The following CUL5 variants were observed in gnomAD, a reference collection of about 807,000 sequenced individuals.
CUL5 encodes the protein cullin 5, also known as cullin-5.
A neutral mutation model predicts 108.8 loss-of-function variants in CUL5; 26 were observed. The observed-to-expected ratio is 0.24, with a 90% CI of 0.18 to 0.33. CUL5 has a LOEUF of 0.33. Ranked by LOEUF, CUL5 falls within the 10% of genes least tolerant of loss-of-function variation. The pLI, the probability that CUL5 is intolerant of heterozygous loss-of-function variation, is 1.00. For missense variants in CUL5, 524 were observed against 909.2 expected, an observed-to-expected ratio of 0.58 and a Z score of 5.45; for synonymous variants, 334 against 298.0, an observed-to-expected ratio of 1.12 and a Z score of -1.25.
In CUL5 at chr11:108,089,596, T is replaced by A. The variant is rs1864301379; in HGVS notation, c.1416T>A (p.Ile472=). Residue 472 remains isoleucine (I), a synonymous_variant, in exon 13 of 19, where the codon ATT becomes ATA. Transcript: ENST00000393094. The part of the protein sequence containing the change: ...LILDISADSE[I]EENMVEWLRE... ...TAGACATCTCTGCCGATAGTGAAATTGAAGAAAACATGGTAGAGTGGCTAA... is the reference window on the plus strand; with the variant it reads ...TAGACATCTCTGCCGATAGTGAAATAGAAGAAAACATGGTAGAGTGGCTAA... 2 of 1,546,480 alleles carry A rather than the reference T, an allele frequency of 1.3e-6. No individual in the cohort carries two copies. The highest frequency in any genetic ancestry group is 1.7e-6 in the Non-Finnish European group (2 of 1,156,342).
At chr11:108,089,691 T>C in intron 13 of CUL5, 68 bp downstream of exon 13, 2 of 860,016 alleles carry the variant, frequency 2.3e-6, no homozygotes, top group Non-Finnish European at 3.3e-6. Flanking sequence ...GCTTAAGTAA[T>C]ACATTTTGGA....
chr11:108,058,279 T>G (rs1863448111), intron 7 of CUL5, among the ~76,000 whole-genome samples: 1 of 105,568 alleles, frequency 9.5e-6, no homozygotes, highest in African/African-American at 3.8e-5. Context: ...AACATAGCCC[T>G]GATGTGTCAC....
At chr11:108,085,581 T>A (rs11212508) in intron 11 of CUL5, among the ~76,000 whole-genome samples, 28,534 of 152,146 alleles carry the variant, frequency 0.19, 3,291 homozygotes, top group East Asian at 0.48. Context: ...ATGATAAATC[T>A]TTTTTACTCT....
intron 11 of CUL5, among the ~76,000 whole-genome samples, chr11:108,084,383 T>TA (rs924260164): frequency 2.0e-5 from 3 of 152,200 alleles, no homozygotes; most frequent in African/African-American, 4.8e-5. Flanking sequence ...AGTTTTGGCC[T>TA]AGGCTAAGCA....
chr11:108,076,279 C>G (rs974622131), intron 10 of CUL5, among the ~76,000 whole-genome samples: 2 of 152,166 alleles, frequency 1.3e-5, no homozygotes, highest in Admixed American at 1.3e-4. Flanking sequence ...AGCGATCCAT[C>G]CACCACAGCC....
In CUL5 at chr11:108,081,412, A is replaced by G. The variant is rs1864079336; in HGVS notation, c.1178+3172A>G. Among the ~76,000 whole-genome samples the G allele has an allele frequency of 2.0e-5, 3 of 152,036 alleles. No individual in the cohort carries two copies. The East Asian group carries it at 5.9e-4, about 30-fold the overall frequency. The stretch of plus-strand genomic sequence containing the variant: ...TAACTTCATATTTTTGCATGTGGAT[A>G]CCCAATTGTTCCAGCATTCATTGAA... On this transcript the variant is annotated intron_variant, in intron 11 of 18. Coordinates refer to ENST00000393094, the MANE Select transcript of CUL5 (RefSeq NM_003478.6).
chr11:108,096,328 T>TAAAAAA (rs71047670), intron 16 of CUL5, among the ~76,000 whole-genome samples: 1 of 120,012 alleles, frequency 8.3e-6, no homozygotes, highest in Non-Finnish European at 1.7e-5. Context: ...ATCCCATCTC[T>TAAAAAA]AAAAAAAAAA....
chr11:108,101,014 C>A lies in CUL5; in HGVS notation c.2148+2485C>A, dbSNP rs1864649776. Among the ~76,000 whole-genome samples the A allele has an allele frequency of 1.3e-5, 2 of 152,038 alleles. 1 individual carries two copies. The highest frequency in any genetic ancestry group is 4.8e-5 in the African/African-American group (2 of 41,390). Reference sequence around the variant, plus strand: ...ACTGCACTCCAGCCTGGCAACAGAGCAAGACTCCATCTAAAAAAAAAGAGT... The same window carrying A: ...ACTGCACTCCAGCCTGGCAACAGAGAAAGACTCCATCTAAAAAAAAAGAGT... On this transcript the variant is annotated intron_variant, in intron 18 of 18. Transcript: ENST00000393094.
intron 1 of CUL5, among the ~76,000 whole-genome samples, chr11:108,016,880 T>A (rs1318292976): frequency 2.6e-5 from 4 of 152,072 alleles, no homozygotes; most frequent in African/African-American, 9.7e-5. Flanking sequence ...TGCCCAACAC[T>A]TTGGAAAGCA....
rs539467819 is a variant in CUL5 at position 108,071,848 on chromosome 11, C to T, written c.875-484C>T. Among the ~76,000 whole-genome samples the T allele has an allele frequency of 2.2e-3, 341 of 152,218 alleles. 1 individual carries two copies. The highest frequency in any genetic ancestry group is 7.6e-3 in the African/African-American group (315 of 41,540). On this transcript the variant is annotated intron_variant, in intron 8 of 18. Transcript: ENST00000393094. Reference sequence around the variant, plus strand: ...GAGTTACAAGCGTGAACCACCACACCCAGCCTGATCACTTTTAATTCGATT... The same window carrying T: ...GAGTTACAAGCGTGAACCACCACACTCAGCCTGATCACTTTTAATTCGATT...
chr11:108,057,018 G>A (rs1426653379), intron 7 of CUL5, among the ~76,000 whole-genome samples: 1 of 152,174 alleles, frequency 6.6e-6, no homozygotes, highest in African/African-American at 2.4e-5. Flanking sequence ...CGTACATTTA[G>A]CACCTGGATG....
chr11:108,067,928 T>C (rs1863726999), intron 7 of CUL5, among the ~76,000 whole-genome samples: 1 of 144,542 alleles, frequency 6.9e-6, no homozygotes, highest in African/African-American at 2.8e-5. Context: ...TTTATTTTTC[T>C]TTTTTTTTTC....
In CUL5 at chr11:108,098,295, A is replaced by G. The variant is rs1591336113; in HGVS notation, c.2025-111A>G. ...GTTATTTGTCATTTAACCTTTAAAC[A>G]GTTCTGATATTTTAGCATATTTTTA... On this transcript the variant is annotated intron_variant, in intron 17 of 18. Transcript: ENST00000393094. The G allele has an allele frequency of 5.2e-6, 5 of 952,658 alleles. No homozygotes were observed. The East Asian group carries it at 1.4e-4, about 27-fold the overall frequency. 59.0% of individuals were successfully genotyped at this position (952,658 alleles called of 1,614,324 possible). A position where few individuals can be genotyped will look rare whatever the true frequency, so the allele number is the denominator to read the frequency against.
At position 108,095,523 on chromosome 11, in the gene CUL5, A is replaced by T; in HGVS notation, c.1744-7A>T. The T allele has an allele frequency of 6.4e-7, 1 of 1,561,052 alleles. No individual in the cohort carries two copies. The highest frequency in any genetic ancestry group is 8.8e-7 in the Non-Finnish European group (1 of 1,137,580). ...TCTTTATTAAAAATCTGTTTTATCT[A>T]TTATAGATAACATTTAAGAATGAAG... is the stretch of plus-strand genomic sequence containing the variant. On this transcript the variant is annotated splice_region_variant and splice_polypyrimidine_tract_variant and intron_variant, in intron 15 of 18. Transcript: ENST00000393094.
At chr11:108,075,481 A>G (rs1203974514) in intron 10 of CUL5, among the ~76,000 whole-genome samples, 1 of 152,194 alleles carries the variant, frequency 6.6e-6, no homozygotes, top group Non-Finnish European at 1.5e-5. Context: ...GGAAGGTTTG[A>G]CAGCATTTGT....
intron 10 of CUL5, among the ~76,000 whole-genome samples, chr11:108,074,446 C>T (rs1328932167): frequency 1.3e-5 from 2 of 151,774 alleles, no homozygotes; most frequent in Non-Finnish European, 2.9e-5. Flanking sequence ...GGGCCCGCCT[C>T]GGCCTCCCAA....
intron 10 of CUL5, among the ~76,000 whole-genome samples, chr11:108,074,383 CG>C (rs1565259344): frequency 1.3e-5 from 2 of 151,462 alleles, no homozygotes; most frequent in African/African-American, 2.4e-5. Context: ...TTACTACAGA[CG>C]GGGTTTCACT....
chr11:108,081,159 A>G (rs896733687), intron 11 of CUL5, among the ~76,000 whole-genome samples: 4 of 151,346 alleles, frequency 2.6e-5, no homozygotes, highest in African/African-American at 9.7e-5. Context: ...GTGGTGGCTC[A>G]TGCCTGTGAT....
At chr11:108,023,985 G>A (rs886310828) in intron 1 of CUL5, among the ~76,000 whole-genome samples, 10 of 152,148 alleles carry the variant, frequency 6.6e-5, no homozygotes, top group Admixed American at 1.3e-4. Context: ...TGTTTCCGCC[G>A]TATGGTTTCT....
Sources: gnomAD v4.1 joint callset for allele counts (sites outside exome capture counted in the v4.1 genomes callset) on GRCh38, gnomAD v4.1.1 for gene constraint, MANE v1.5 for transcripts, NCBI Gene and HGNC (gene_info 2026-07-23, HGNC 2026-07-21) for gene names.